Variants in GNB5 observed in about 807,000 individuals in gnomAD.
GNB5 encodes G protein subunit beta 5.
A neutral mutation model predicts 55.3 loss-of-function variants in GNB5; 37 were observed. That is an observed-to-expected ratio of 0.67 (90% CI 0.51 to 0.88). The LOEUF (loss-of-function observed/expected upper bound fraction) is 0.88, where lower values mean the gene tolerates loss of function less well. Among genes scored for constraint, GNB5 ranks in the 40% least tolerant of loss-of-function variants. The pLI is 0.00. For synonymous variants in GNB5, 219 were observed against 198.5 expected (o/e 1.10, Z -0.87); for missense variants, 476 against 515.3 (o/e 0.92, Z 0.74).
intron 1 of GNB5, among the ~76,000 whole-genome samples, chr15:52,189,729 CA>C (rs2034892798): frequency 6.6e-6 from 1 of 152,186 alleles, no homozygotes; most frequent in Admixed American, 6.5e-5. Context: ...GACTGCTATT[CA>C]GCAATAAAAA....
chr15:52,140,775 T>C (rs558916445), intron 7 of GNB5, among the ~76,000 whole-genome samples: 42 of 152,200 alleles, frequency 2.8e-4, no homozygotes, highest in Non-Finnish European at 5.6e-4. Context: ...ATGCATGCAG[T>C]GCACAGCTCT....
intron 12 of GNB5, among the ~76,000 whole-genome samples, chr15:52,123,147 C>T (rs1200888073): frequency 1.3e-5 from 2 of 152,124 alleles, no homozygotes; most frequent in African/African-American, 4.8e-5. Context: ...ACACTCTTAC[C>T]CAGGAAGATG....
intron 1 of GNB5, among the ~76,000 whole-genome samples, chr15:52,190,496 T>C (rs987242889): frequency 7.9e-5 from 12 of 152,058 alleles, no homozygotes; most frequent in Admixed American, 7.2e-4. Flanking sequence ...AATAAACATA[T>C]AAAAAGGTGC....
In GNB5 at chr15:52,147,166, GT is replaced by G. The variant is rs540360753; in HGVS notation, c.494+292del. On this transcript the variant is annotated intron_variant, in intron 6 of 12. Transcript: ENST00000261837. ...TTATGAAAGAGAGTTTTATGGTTTT[GT>G]TTTTTTTTTTTTTTTTTAAAGAGAT... The G allele has an allele frequency of 0.031, 5,555 of 176,592 alleles. 62 individuals carry two copies. Among genetic ancestry groups the G allele is most frequent in the African/African-American group, 0.066 (2,434 of 36,930 alleles). 10.9% of individuals were successfully genotyped at this position (176,592 alleles called of 1,614,324 possible). A position where few individuals can be genotyped will look rare whatever the true frequency, so the allele number is the denominator to read the frequency against.
intron 6 of GNB5, chr15:52,147,166 GTTT>G (rs540360753): frequency 1.5e-4 from 27 of 176,944 alleles, no homozygotes; most frequent in Admixed American, 3.2e-4. Context: ...TTATGGTTTT[GTTT>G]TTTTTTTTTT....
At chr15:52,149,970 C>G in intron 4 of GNB5, 45 bp from the exon 5 acceptor site, 9 of 1,400,194 alleles carry the variant, frequency 6.4e-6, no homozygotes, top group Non-Finnish European at 9.1e-6. Flanking sequence ...CAAGTTCTTA[C>G]AGATTACTGC....
chr15:52,166,826 C>T (rs1382969733), intron 3 of GNB5, among the ~76,000 whole-genome samples: 7 of 151,688 alleles, frequency 4.6e-5, no homozygotes, highest in Non-Finnish European at 1.0e-4. Context: ...AAGAAATAAC[C>T]AAGATCAGAG....
At chr15:52,148,704 T>C (rs2034030307) in intron 5 of GNB5, among the ~76,000 whole-genome samples, 1 of 152,226 alleles carries the variant, frequency 6.6e-6, no homozygotes, top group Non-Finnish European at 1.5e-5. Context: ...TATAATTACA[T>C]GTGTTTTTGT....
intron 6 of GNB5, 191 bp downstream of exon 6, chr15:52,147,268 G>T: frequency 2.0e-6 from 1 of 495,310 alleles, no homozygotes; most frequent in South Asian, 2.2e-5. Context: ...CTCCCAGGTG[G>T]CTGGGATTAC....
At position 52,123,543 on chromosome 15, in the gene GNB5, C is replaced by CTT. The variant is rs34912697; in HGVS notation, c.1177-777_1177-776dup. 3.4e-3 allele frequency: 478 copies of CTT among 140,150 alleles called. 8 individuals are homozygous for CTT. The highest frequency in any genetic ancestry group is 0.013 in the East Asian group (62 of 4,820). 8.7% of individuals were successfully genotyped at this position (140,150 alleles called of 1,614,324 possible). A position where few individuals can be genotyped will look rare whatever the true frequency, so the allele number is the denominator to read the frequency against. ...TTAGCTTTGCTCTATGAATGGGCTA[C>CTT]TTTTTTTTTTTTTTTTTGAGACAGA... On this transcript the variant is annotated intron_variant, in intron 12 of 12. Transcript: ENST00000261837.
chr15:52,149,850 A>C (rs2034053720), intron 5 of GNB5, 34 bp downstream of exon 5: 1 of 1,543,050 alleles, frequency 6.5e-7, no homozygotes, highest in Non-Finnish European at 9.0e-7. Flanking sequence ...GGGATTCTGA[A>C]GCCTCTATAA....
rs181786905 is a variant in GNB5, at chr15:52,133,787, T to C, written c.772-318A>G. Among the ~76,000 whole-genome samples the C allele has an allele frequency of 2.6e-3, 401 of 152,370 alleles. 2 individuals carry two copies. The highest frequency in any genetic ancestry group is 6.8e-3 in the Middle Eastern group (2 of 294). On this transcript the variant is annotated intron_variant, in intron 8 of 12. Coordinates refer to ENST00000261837, the MANE Select transcript of GNB5 (RefSeq NM_016194.4). ...CGGGCATCTCCCTTCCTTTCATTTT[T>C]CCTTCTTTTCTCTCTTCTCTTTATA...
At chr15:52,145,824 C>CT (rs974351721) in intron 6 of GNB5, among the ~76,000 whole-genome samples, 14 of 152,028 alleles carry the variant, frequency 9.2e-5, no homozygotes, top group African/African-American at 2.9e-4. Flanking sequence ...TGCCTGGGGA[C>CT]TCGGGCTTTT....
intron 9 of GNB5, among the ~76,000 whole-genome samples, chr15:52,131,030 T>C (rs1315708646): frequency 6.6e-6 from 1 of 152,208 alleles, no homozygotes; most frequent in Non-Finnish European, 1.5e-5. Context: ...TTCACCATGT[T>C]GGCCAGGCTA....
intron 3 of GNB5, among the ~76,000 whole-genome samples, chr15:52,161,660 T>C (rs1256168817): frequency 6.6e-6 from 1 of 151,946 alleles, no homozygotes; most frequent in Non-Finnish European, 1.5e-5. Context: ...AGATCAGGAG[T>C]GAAGAAACCT....
chr15:52,153,433 G>T (rs564575394), intron 4 of GNB5, among the ~76,000 whole-genome samples: 44 of 152,254 alleles, frequency 2.9e-4, no homozygotes, highest in Admixed American at 2.0e-3. Flanking sequence ...GAAACCATGC[G>T]AGATAATTAA....
intron 3 of GNB5, among the ~76,000 whole-genome samples, chr15:52,177,093 G>T (rs960744391): frequency 1.4e-5 from 2 of 145,940 alleles, no homozygotes; most frequent in Non-Finnish European, 3.0e-5. Flanking sequence ...GGAGTGCAGT[G>T]GCAAGATCTC....
rs2141196437 is a variant in GNB5, at chr15:52,137,261, T to C, written c.628-1505A>G. 2.6e-6 allele frequency: 3 copies of C among 1,150,560 alleles called. No individual in the cohort carries two copies. In the East Asian group the frequency reaches 2.0e-4, roughly 76 times the overall value. The allele number at this position is 1,150,560 out of a possible 1,614,324, so 71.3% of individuals were successfully genotyped here. A position where few individuals can be genotyped will look rare whatever the true frequency, so the allele number is the denominator to read the frequency against. ...AGTTGACATCACCAGTAGACAAGGA[T>C]CAATGACAACAGCATGAGAAGTGCT... is the stretch of plus-strand genomic sequence containing the variant. On this transcript the variant is annotated intron_variant, in intron 7 of 12. Transcript: ENST00000261837.
At chr15:52,143,101 G>A (rs1041210881) in intron 6 of GNB5, among the ~76,000 whole-genome samples, 3 of 151,748 alleles carry the variant, frequency 2.0e-5, no homozygotes, top group African/African-American at 7.3e-5. Context: ...GTTGCAGTGA[G>A]TTGAGACCAC....
Sources: gnomAD v4.1 joint callset for allele counts (sites outside exome capture counted in the v4.1 genomes callset) on GRCh38, gnomAD v4.1.1 for gene constraint, MANE v1.5 for transcripts, NCBI Gene and HGNC (gene_info 2026-07-23, HGNC 2026-07-21) for gene names.